Variants in RIC1 observed in about 807,000 individuals in gnomAD.
The protein encoded by RIC1 is guanine nucleotide exchange factor subunit RIC1.
In RIC1, 88 loss-of-function variants were observed where a neutral mutation model predicts 169.0. The ratio of observed to expected loss-of-function variants is 0.52; its 90% CI spans 0.44 to 0.62. RIC1 has a LOEUF of 0.62. Among genes scored for constraint, RIC1 ranks in the 20% least tolerant of loss-of-function variants. RIC1 has a pLI of 0.00. For missense variants in RIC1, 1,877 were observed against 1,725.5 expected, an observed-to-expected ratio of 1.09 and a Z score of -1.56; for synonymous variants, 790 against 601.5, an observed-to-expected ratio of 1.31 and a Z score of -4.59.
intron 1 of RIC1, among the ~76,000 whole-genome samples, chr9:5,642,984 A>C (rs4742109): frequency 0.33 from 49,919 of 152,038 alleles, 9,579 homozygotes; most frequent in East Asian, 0.6. Context: ...AATAGAAGAT[A>C]TTATGAAGGA....
At chr9:5,691,805 T>C (rs1821605192) in intron 3 of RIC1, among the ~76,000 whole-genome samples, 1 of 152,012 alleles carries the variant, frequency 6.6e-6, no homozygotes, top group Non-Finnish European at 1.5e-5. Flanking sequence ...CATTAATTTA[T>C]GTTCCTGTGG....
chr9:5,747,177 C>T, intron 11 of RIC1, 125 bp from the exon 12 acceptor site: 3 of 683,512 alleles, frequency 4.4e-6, no homozygotes, highest in Non-Finnish European at 7.6e-6. Flanking sequence ...AGAAAATCAA[C>T]ATCGAGATAC....
intron 2 of RIC1, among the ~76,000 whole-genome samples, chr9:5,676,496 C>G (rs77656872): frequency 0.016 from 2,384 of 152,234 alleles, 31 homozygotes; most frequent in Non-Finnish European, 0.027. Flanking sequence ...ATATTCCCAT[C>G]ATACAGTTGA....
chr9:5,634,659 C>G (rs1019406411), intron 1 of RIC1, among the ~76,000 whole-genome samples: 1 of 152,054 alleles, frequency 6.6e-6, no homozygotes, highest in African/African-American at 2.4e-5. Flanking sequence ...TTCTCCTATT[C>G]CATAGGTTGC....
intron 3 of RIC1, among the ~76,000 whole-genome samples, chr9:5,703,767 A>G (rs760265729): frequency 1.3e-5 from 2 of 152,220 alleles, no homozygotes; most frequent in African/African-American, 2.4e-5. Context: ...GTGTTTATCC[A>G]TGAATCAGGT....
At chr9:5,648,235 C>A (rs866194058) in intron 1 of RIC1, among the ~76,000 whole-genome samples, 19 of 152,100 alleles carry the variant, frequency 1.2e-4, no homozygotes, top group Non-Finnish European at 1.3e-4. Flanking sequence ...CCACCTGTCT[C>A]GGCCTCCTGA....
intron 3 of RIC1, among the ~76,000 whole-genome samples, chr9:5,700,698 T>C (rs374672867): frequency 6.6e-6 from 1 of 152,152 alleles, no homozygotes; most frequent in East Asian, 1.9e-4. Context: ...AAGCATGATA[T>C]ATGCATTGTG....
rs1817589198 is a variant in RIC1, at chr9:5,629,112, C to G, written c.-198C>G. On this transcript the variant is annotated 5_prime_UTR_variant, in exon 1 of 26. Transcript: ENST00000414202. ...TCCCTCCCCTTCCCTCCCCCACACT[C>G]GGCCCCGTCAGCTTGGGGGTGCCTT... 2.6e-6 allele frequency: 1 copy of G among 382,366 alleles called. No homozygotes were observed. The highest frequency in any genetic ancestry group is 1.1e-4 in the South Asian group (1 of 8,970). The allele number at this position is 382,366 out of a possible 1,614,324, so 23.7% of individuals were successfully genotyped here. A position where few individuals can be genotyped will look rare whatever the true frequency, so the allele number is the denominator to read the frequency against.
intron 15 of RIC1, 93 bp downstream of exon 15, chr9:5,755,023 G>A: frequency 1.4e-6 from 1 of 691,668 alleles, no homozygotes; most frequent in South Asian, 3.3e-5. Flanking sequence ...ATTGAAAACT[G>A]AACAAAACAT....
At chr9:5,738,610 ATT>A in intron 8 of RIC1, 72 bp downstream of exon 8, 1 of 888,956 alleles carries the variant, frequency 1.1e-6, no homozygotes, top group South Asian at 1.9e-5. Context: ...GCAGATGCTG[ATT>A]TTAAGTTAAA....
rs919082295 is a variant in RIC1 at position 5,774,934 on chromosome 9, A to G, written c.*688A>G. On this transcript the variant is annotated 3_prime_UTR_variant, in exon 26 of 26. Transcript: ENST00000414202. ...CTCAATTTTGCTGTTAGATACCACT[A>G]AACTATTTTGTATTAAAGAACAGTA... 2 of 152,216 alleles carry G rather than the reference A, an allele frequency of 1.3e-5. No homozygotes were observed. The highest frequency in any genetic ancestry group is 4.8e-5 in the African/African-American group (2 of 41,434). The allele number at this position is 152,216 out of a possible 1,614,324, so 9.4% of individuals were successfully genotyped here.
At chr9:5,777,987 T>A (rs1419719995), downstream of RIC1, among the ~76,000 whole-genome samples, 1 of 152,200 alleles carries the variant, frequency 6.6e-6, no homozygotes, top group African/African-American at 2.4e-5. Flanking sequence ...TCAATTTCTA[T>A]ACTAAAATAA....
At chr9:5,657,342 C>G (rs1310986929) in intron 2 of RIC1, among the ~76,000 whole-genome samples, 1 of 152,074 alleles carries the variant, frequency 6.6e-6, no homozygotes, top group East Asian at 1.9e-4. Context: ...CTGTCTAAGG[C>G]TGTCATTATG....
chr9:5,670,720 T>A (rs190119781), intron 2 of RIC1, among the ~76,000 whole-genome samples: 13 of 152,358 alleles, frequency 8.5e-5, no homozygotes, highest in African/African-American at 2.9e-4. Context: ...ATACAATTGA[T>A]TTATCAAGAC....
At chr9:5,672,590 A>G (rs1304048364) in intron 2 of RIC1, among the ~76,000 whole-genome samples, 2 of 152,184 alleles carry the variant, frequency 1.3e-5, no homozygotes, top group Non-Finnish European at 2.9e-5. Flanking sequence ...AGCAAATTCA[A>G]GAGGTTTGGG....
Position 5,738,515 on chromosome 9 carries a change from A to G in RIC1, c.878A>G (p.Glu293Gly). 6.4e-7 allele frequency: 1 copy of G among 1,564,512 alleles called. No homozygotes were observed. Among genetic ancestry groups the G allele is most frequent in the Non-Finnish European group, 8.7e-7 (1 of 1,144,376 alleles). ...GCCATGCTGCTATCTCATAAATTAG[A>G]GCTAACAGCAAAACAGTATCCTGGT... Reference protein sequence around the residue: ...TGAMLLSHKLELTAKQYPDIW... With the variant: ...TGAMLLSHKLGLTAKQYPDIW... Residue 293 changes from glutamate (E) to glycine (G), a missense_variant, in exon 8 of 26, where the codon GAG (glutamate) becomes GGG (glycine). By Grantham distance (98) the Glu-to-Gly change is moderately conservative (BLOSUM62 -2). This residue lies in a region of RIC1 where 1,104 missense variants were observed against 992.0 expected (regional missense o/e 1.11). Coordinates refer to ENST00000414202, the MANE Select transcript of RIC1 (RefSeq NM_020829.4).
chr9:5,682,495 C>T (rs1027563613), intron 2 of RIC1, among the ~76,000 whole-genome samples: 2 of 152,174 alleles, frequency 1.3e-5, no homozygotes, highest in African/African-American at 2.4e-5. Context: ...CCCTCACTCT[C>T]TTCTGGCTTG....
Position 5,708,685 on chromosome 9 carries a change from C to G in RIC1, c.333-5211C>G, listed in dbSNP as rs560650494. On this transcript the variant is annotated intron_variant, in intron 3 of 25. Transcript: ENST00000414202. ...CTCTTGCTGCTTTCAAGATTCTCTTCGTTTTTTTGACAGTTTGAACATGAT... is the reference window on the plus strand; with the variant it reads ...CTCTTGCTGCTTTCAAGATTCTCTTGGTTTTTTTGACAGTTTGAACATGAT... Among the ~76,000 whole-genome samples, 271 of 152,100 alleles carry G rather than the reference C, an allele frequency of 1.8e-3. 1 individual carries two copies. The highest frequency in any genetic ancestry group is 4.9e-4 in the Non-Finnish European group (33 of 67,958).
chr9:5,639,197 A>G (rs1372173292), intron 1 of RIC1, among the ~76,000 whole-genome samples: 3 of 152,040 alleles, frequency 2.0e-5, no homozygotes, highest in Non-Finnish European at 4.4e-5. Flanking sequence ...GAGCCACTAT[A>G]CCCGGCCATT....
Sources: gnomAD v4.1 joint callset for allele counts (sites outside exome capture counted in the v4.1 genomes callset) on GRCh38, gnomAD v4.1.1 for gene constraint, gnomAD v4.1.1 regional missense constraint, MANE v1.5 for transcripts, NCBI Gene and HGNC (gene_info 2026-07-23, HGNC 2026-07-21) for gene names.